Variants in CDYL2 observed in about 807,000 individuals in gnomAD.
The protein encoded by CDYL2 is chromodomain Y-like protein 2.
In CDYL2, 23 loss-of-function variants were observed where a neutral mutation model predicts 49.4. That is an observed-to-expected ratio of 0.47 (90% CI 0.34 to 0.66). The LOEUF (loss-of-function observed/expected upper bound fraction) is 0.66. Among genes scored for constraint, CDYL2 ranks in the 30% least tolerant of loss-of-function variants. CDYL2 has a pLI of 0.01. For missense variants in CDYL2, 678 were observed against 656.4 expected (o/e 1.03, Z -0.36); for synonymous variants, 360 against 268.8 (o/e 1.34, Z -3.32).
upstream of CDYL2, among the ~76,000 whole-genome samples, chr16:80,804,764 G>C (rs1256106769): frequency 6.7e-6 from 1 of 150,344 alleles, no homozygotes; most frequent in Admixed American, 6.6e-5. Context: ...CCCCCGGGGG[G>C]CGGCGGGCCA....
intron 1 of CDYL2, among the ~76,000 whole-genome samples, chr16:80,714,119 T>G (rs1904714414): frequency 6.6e-6 from 1 of 152,184 alleles, no homozygotes; most frequent in Admixed American, 6.5e-5. Context: ...GTTTGGAATA[T>G]TTATATATTC....
chr16:80,772,204 T>G (rs567000409), intron 1 of CDYL2, among the ~76,000 whole-genome samples: 2 of 152,288 alleles, frequency 1.3e-5, no homozygotes, highest in South Asian at 2.1e-4. Context: ...TGAGGAAAAT[T>G]TTACTAAAGG....
intron 3 of CDYL2, among the ~76,000 whole-genome samples, chr16:80,630,086 A>G (rs548893512): frequency 6.6e-6 from 1 of 152,224 alleles, no homozygotes; most frequent in Admixed American, 6.5e-5. Flanking sequence ...CTCCTCTCAC[A>G]CAGCCTCTTC....
intron 1 of CDYL2, among the ~76,000 whole-genome samples, chr16:80,710,985 A>C (rs1904576320): frequency 6.6e-6 from 1 of 152,232 alleles, no homozygotes; most frequent in Non-Finnish European, 1.5e-5. Context: ...TACAGCTGGT[A>C]ATCTTCAGTT....
intron 2 of CDYL2, among the ~76,000 whole-genome samples, chr16:80,636,960 G>A (rs1432233803): frequency 2.6e-5 from 4 of 152,100 alleles, no homozygotes; most frequent in Admixed American, 6.6e-5. Context: ...TGAGCAGAAC[G>A]CCAAGCACCG....
intron 2 of CDYL2, among the ~76,000 whole-genome samples, chr16:80,650,079 C>G (rs570299044): frequency 1.4e-3 from 210 of 152,200 alleles, no homozygotes; most frequent in Non-Finnish European, 2.4e-3. Context: ...CTGAGCAATA[C>G]CCTACAAGCA....
chr16:80,701,223 G>A (rs890457102), intron 1 of CDYL2, among the ~76,000 whole-genome samples: 1 of 152,290 alleles, frequency 6.6e-6, no homozygotes, highest in South Asian at 2.1e-4. Flanking sequence ...TTAATGTACA[G>A]TATGATCCCA....
intron 1 of CDYL2, among the ~76,000 whole-genome samples, chr16:80,756,784 C>T (rs959748819): frequency 6.6e-6 from 1 of 151,558 alleles, no homozygotes; most frequent in African/African-American, 2.4e-5. Context: ...AGTATAACAG[C>T]AGAAAATATA....
chr16:80,613,057 C>T (rs964587690), intron 4 of CDYL2, among the ~76,000 whole-genome samples: 1 of 152,088 alleles, frequency 6.6e-6, no homozygotes, highest in Non-Finnish European at 1.5e-5. Flanking sequence ...CAGATTGCCC[C>T]AGTTCATGCC....
intron 2 of CDYL2, among the ~76,000 whole-genome samples, chr16:80,665,585 A>C (rs1258599577): frequency 6.6e-6 from 1 of 151,888 alleles, no homozygotes; most frequent in Non-Finnish European, 1.5e-5. Context: ...TACTGGTGGA[A>C]GCCAGGCCAG....
chr16:80,639,586 C>G (rs896434345), intron 2 of CDYL2: 4 of 434,488 alleles, frequency 9.2e-6, no homozygotes, highest in Admixed American at 5.1e-5. Context: ...TGTACCCTCC[C>G]CCCTGCAAGG....
chr16:80,615,889 G>A (rs1462599926), intron 4 of CDYL2, among the ~76,000 whole-genome samples: 1 of 152,114 alleles, frequency 6.6e-6, no homozygotes, highest in Non-Finnish European at 1.5e-5. Flanking sequence ...TCGGGCAGTA[G>A]ATCTCTATCA....
chr16:80,674,183 C>G (rs181774747), intron 2 of CDYL2, among the ~76,000 whole-genome samples: 156 of 152,290 alleles, frequency 1.0e-3, no homozygotes, highest in African/African-American at 3.6e-3. Flanking sequence ...CACATGGGAG[C>G]CTGGGTTCAC....
At chr16:80,673,874 G>T (rs537994880) in intron 2 of CDYL2, among the ~76,000 whole-genome samples, 3 of 152,306 alleles carry the variant, frequency 2.0e-5, no homozygotes, top group South Asian at 2.1e-4. Context: ...GAGGGAGGCA[G>T]GGGGCTTGGA....
chr16:80,745,185 C>T (rs1402243786), intron 1 of CDYL2, among the ~76,000 whole-genome samples: 3 of 152,084 alleles, frequency 2.0e-5, no homozygotes, highest in Non-Finnish European at 2.9e-5. Flanking sequence ...GCAAACTGCC[C>T]GAGGGTCCCC....
At chr16:80,783,576 G>T (rs1349177555) in intron 1 of CDYL2, among the ~76,000 whole-genome samples, 1 of 152,110 alleles carries the variant, frequency 6.6e-6, no homozygotes, top group African/African-American at 2.4e-5. Flanking sequence ...TGGAAAAGTG[G>T]AAACAACCTA....
chr16:80,803,056 C>A (rs1186045910), intron 1 of CDYL2, among the ~76,000 whole-genome samples: 3 of 152,228 alleles, frequency 2.0e-5, no homozygotes, highest in Non-Finnish European at 4.4e-5. Flanking sequence ...GATGGCTGGT[C>A]TCTTAACTTC....
At chr16:80,729,300 C>A (rs1224743509) in intron 1 of CDYL2, among the ~76,000 whole-genome samples, 11 of 151,538 alleles carry the variant, frequency 7.3e-5, no homozygotes, top group African/African-American at 2.7e-4. Flanking sequence ...GGGTTGCAAT[C>A]CTAGTCTCTG....
At chr16:80,714,811 C>A (rs1306740950) in intron 1 of CDYL2, among the ~76,000 whole-genome samples, 1 of 152,154 alleles carries the variant, frequency 6.6e-6, no homozygotes, top group Non-Finnish European at 1.5e-5. Flanking sequence ...AATAAACTAC[C>A]AACGTGTTTC....
Sources: gnomAD v4.1 joint callset for allele counts (sites outside exome capture counted in the v4.1 genomes callset) on GRCh38, gnomAD v4.1.1 for gene constraint, MANE v1.5 for transcripts, NCBI Gene and HGNC (gene_info 2026-07-23, HGNC 2026-07-21) for gene names.